OCM: variants seen among roughly 807,000 people sequenced by gnomAD.
The protein encoded by OCM is oncomodulin-1.
A neutral mutation model predicts 14.1 loss-of-function variants in OCM; 18 were observed. The ratio of observed to expected loss-of-function variants is 1.28; its 90% CI spans 0.88 to 1.89. OCM has a LOEUF of 1.89. Ranked by LOEUF, OCM falls within the 40% of genes most tolerant of loss-of-function variation. OCM has a pLI of 0.00. For missense variants in OCM, 140 were observed against 137.6 expected (o/e 1.02, Z -0.09); for synonymous variants, 48 against 51.0 (o/e 0.94, Z 0.25).
the OCM span, among the ~76,000 whole-genome samples, chr7:5,870,994 C>G: frequency 6.6e-6 from 1 of 151,838 alleles, no homozygotes. Flanking sequence ...TCAAGTGATT[C>G]TCCCGCCTCA....
At chr7:5,860,745 CACATATATACGTATATATAT>C in the OCM span, among the ~76,000 whole-genome samples, 2 of 141,718 alleles carry the variant, frequency 1.4e-5, 1 homozygote, top group Non-Finnish European at 3.1e-5. Flanking sequence ...CGTATATATA[CACATATATACGTATATATAT>C]ATTCGTATAT....
chr7:5,882,884 C>T (rs1261322010), intron 2 of OCM, among the ~76,000 whole-genome samples: 1 of 149,826 alleles, frequency 6.7e-6, no homozygotes, highest in Non-Finnish European at 1.5e-5. Flanking sequence ...ACTCTGTTGC[C>T]CAGGCTGGAG....
the OCM span, among the ~76,000 whole-genome samples, chr7:5,867,616 A>G: frequency 6.6e-6 from 1 of 151,958 alleles, no homozygotes; most frequent in Admixed American, 6.6e-5. Flanking sequence ...TGAGACTCCA[A>G]TTACATGTAT....
chr7:5,868,913 C>A, the OCM span, among the ~76,000 whole-genome samples: 51,752 of 151,392 alleles, frequency 0.34, 11,043 homozygotes, highest in African/African-American at 0.62. Context: ...AAATACAAAA[C>A]TTAGCCAGGC....
At chr7:5,881,629 C>CTAAATAAATAAATAAATAAATAAA (rs113644646) in intron 1 of OCM, among the ~76,000 whole-genome samples, 6 of 148,738 alleles carry the variant, frequency 4.0e-5, no homozygotes, top group African/African-American at 7.5e-5. Flanking sequence ...GACTCTGGCT[C>CTAAATAAATAAATAAATAAATAAA]TAAATAAATA....
chr7:5,867,157 A>G, the OCM span, among the ~76,000 whole-genome samples: 1 of 152,184 alleles, frequency 6.6e-6, no homozygotes, highest in African/African-American at 2.4e-5. Flanking sequence ...TCTTTAAAAA[A>G]AATTCCTCCT....
chr7:5,866,295 C>T, the OCM span, among the ~76,000 whole-genome samples: 17 of 146,992 alleles, frequency 1.2e-4, no homozygotes, highest in South Asian at 3.5e-3. Flanking sequence ...CACTGCACTC[C>T]AGCCTGGGCA....
the OCM span, among the ~76,000 whole-genome samples, chr7:5,865,414 C>G: frequency 6.6e-6 from 1 of 152,114 alleles, no homozygotes. Flanking sequence ...TAAGAGGCAT[C>G]AAAACCCTAG....
upstream of OCM, among the ~76,000 whole-genome samples, chr7:5,876,547 C>T (rs1256141119): frequency 2.6e-5 from 4 of 152,164 alleles, no homozygotes; most frequent in Non-Finnish European, 5.9e-5. Flanking sequence ...TTCATCAAAT[C>T]ACTGCTGAGC....
upstream of OCM, among the ~76,000 whole-genome samples, chr7:5,875,350 C>T (rs1034741640): frequency 3.3e-5 from 5 of 152,098 alleles, no homozygotes; most frequent in Non-Finnish European, 5.9e-5. Flanking sequence ...AGCCACGGCG[C>T]CCGGCCTGAA....
At position 5,882,487 on chromosome 7, in the gene OCM, C is replaced by A; in HGVS notation, c.62-6C>A. On this transcript the variant is annotated splice_region_variant and splice_polypyrimidine_tract_variant and intron_variant, in intron 1 of 3. Coordinates refer to ENST00000242104, the MANE Select transcript of OCM (RefSeq NM_001097622.2). ...GCGTCAGAATAACCAATTCTCTGTT[C>A]TTCAGACCCAGACACTTTTGAACCC... 6.2e-7 allele frequency: 1 copy of A among 1,613,950 alleles called. No individual in the cohort carries two copies. Among genetic ancestry groups the A allele is most frequent in the Non-Finnish European group, 8.5e-7 (1 of 1,179,872 alleles).
chr7:5,861,511 A>T, the OCM span, among the ~76,000 whole-genome samples: 1 of 152,148 alleles, frequency 6.6e-6, no homozygotes, highest in Admixed American at 6.6e-5. Flanking sequence ...GTGTTTTCCA[A>T]AGGAAATTTA....
the OCM span, among the ~76,000 whole-genome samples, chr7:5,869,969 G>A: frequency 9.9e-5 from 15 of 152,220 alleles, no homozygotes; most frequent in South Asian, 4.1e-4. Flanking sequence ...GTATGTTTGC[G>A]CCATCCTCCA....
At chr7:5,885,735 C>T (rs891938190) in intron 3 of OCM, among the ~76,000 whole-genome samples, 8 of 151,780 alleles carry the variant, frequency 5.3e-5, no homozygotes, top group African/African-American at 1.7e-4. Context: ...CTCAGCCTCC[C>T]AAGTAGCTGG....
the OCM span, among the ~76,000 whole-genome samples, chr7:5,874,200 G>A: frequency 7.2e-6 from 1 of 138,100 alleles, no homozygotes; most frequent in Non-Finnish European, 1.5e-5. Flanking sequence ...TTCCAGCCTG[G>A]GTGACAGAGC....
the OCM span, among the ~76,000 whole-genome samples, chr7:5,861,120 A>G: frequency 3.5e-4 from 53 of 152,028 alleles, no homozygotes; most frequent in African/African-American, 1.2e-3. Flanking sequence ...GATGTGCTTT[A>G]AGAATCCCAG....
At chr7:5,877,819 CAAAAAAAAA>C (rs535302724), upstream of OCM, among the ~76,000 whole-genome samples, 22 of 55,294 alleles carry the variant, frequency 4.0e-4, no homozygotes, top group African/African-American at 1.0e-3. Flanking sequence ...GACTCCATCT[CAAAAAAAAA>C]AAAAAAAAAA....
chr7:5,869,567 C>T, the OCM span, among the ~76,000 whole-genome samples: 2 of 152,080 alleles, frequency 1.3e-5, no homozygotes, highest in African/African-American at 4.8e-5. Context: ...CACTGCACTC[C>T]AGCCATGGCA....
the OCM span, among the ~76,000 whole-genome samples, chr7:5,870,236 G>C: frequency 6.6e-6 from 1 of 151,982 alleles, no homozygotes; most frequent in Admixed American, 6.6e-5. Flanking sequence ...TCAGGCTCCT[G>C]AATAGCTGGG....
Sources: allele counts gnomAD v4.1 joint callset (sites outside exome capture counted in the v4.1 genomes callset), GRCh38; gene constraint gnomAD v4.1.1; transcripts MANE v1.5; gene names NCBI Gene and HGNC (gene_info 2026-07-23, HGNC 2026-07-21).